VKORC1L1: variants seen among roughly 807,000 people sequenced by gnomAD.
VKORC1L1 encodes the protein vitamin K epoxide reductase complex subunit 1L1, also known as vitamin K epoxide reductase complex subunit 1-like protein 1.
Under a neutral mutation model 18.9 loss-of-function variants are expected in VKORC1L1, and 2 were observed. That is an observed-to-expected ratio of 0.11 (90% CI 0.04 to 0.33). VKORC1L1 has a LOEUF of 0.33. Ranked by LOEUF, VKORC1L1 falls within the 10% of genes least tolerant of loss-of-function variation. The pLI is 1.00. For synonymous variants in VKORC1L1, 96 were observed against 100.0 expected (o/e 0.96, Z 0.24); for missense variants, 123 against 224.1 (o/e 0.55, Z 2.88).
At chr7:65,895,360 A>G (rs1390513343) in intron 1 of VKORC1L1, among the ~76,000 whole-genome samples, 1 of 148,390 alleles carries the variant, frequency 6.7e-6, no homozygotes, top group Non-Finnish European at 1.5e-5. Flanking sequence ...ACAGTGGCTC[A>G]TGCCTATAAT....
intron 1 of VKORC1L1, among the ~76,000 whole-genome samples, chr7:65,925,876 C>T (rs1361543472): frequency 6.6e-6 from 1 of 151,920 alleles, no homozygotes. Flanking sequence ...AGGCAGAGTC[C>T]AAGAACACTG....
intron 1 of VKORC1L1, among the ~76,000 whole-genome samples, chr7:65,891,363 T>C (rs1789108751): frequency 6.6e-6 from 1 of 152,202 alleles, no homozygotes; most frequent in Non-Finnish European, 1.5e-5. Context: ...CAGAACAGTT[T>C]CCCAAAGTGG....
chr7:65,880,036 A>G (rs182305021), intron 1 of VKORC1L1, among the ~76,000 whole-genome samples: 153 of 151,946 alleles, frequency 1.0e-3, no homozygotes, highest in African/African-American at 3.5e-3. Flanking sequence ...TCTATTTTTC[A>G]TAGTGACGAG....
In VKORC1L1 at chr7:65,873,714, G is replaced by C. The variant is rs949260244; in HGVS notation, c.194+149G>C. 8 of 767,478 alleles carry C rather than the reference G, an allele frequency of 1.0e-5. No individual in the cohort carries two copies. The African/African-American group carries it at 1.3e-4, about 13-fold the overall frequency. 47.5% of individuals were successfully genotyped at this position (767,478 alleles called of 1,614,324 possible). On this transcript the variant is annotated intron_variant, in intron 1 of 2. Transcript: ENST00000360768. ...ACGGGGTCGGGTCGGGGCCAGGCGG[G>C]GGGCGGCGGCGGGGCGCTCCTGCCC...
At chr7:65,912,187 C>G (rs1440254726) in intron 1 of VKORC1L1, among the ~76,000 whole-genome samples, 1 of 152,174 alleles carries the variant, frequency 6.6e-6, no homozygotes, top group African/African-American at 2.4e-5. Flanking sequence ...TTTTCAAAAG[C>G]TTGACAATGC....
Position 65,957,649 on chromosome 7 carries a change from A to G in VKORC1L1, c.*3349A>G, listed in dbSNP as rs574304836. The G allele has an allele frequency of 6.6e-6, 1 of 152,172 alleles. No individual in the cohort carries two copies. The highest frequency in any genetic ancestry group is 1.5e-5 in the Non-Finnish European group (1 of 68,046). The allele number at this position is 152,172 out of a possible 1,614,324, so 9.4% of individuals were successfully genotyped here. A position where few individuals can be genotyped will look rare whatever the true frequency, so the allele number is the denominator to read the frequency against. ...GAAGTTCGAGATCAGCCTGACCGAC[A>G]TAGTGGAACCCTGTCTTTACTAAAA... On this transcript the variant is annotated 3_prime_UTR_variant, in exon 3 of 3. Coordinates refer to ENST00000360768, the MANE Select transcript of VKORC1L1 (RefSeq NM_173517.6).
rs183791900 is a variant in VKORC1L1 at position 65,908,738 on chromosome 7, G to A, written c.194+35173G>A. On this transcript the variant is annotated intron_variant, in intron 1 of 2. Transcript: ENST00000360768. ...TATCTTCCCAGCTACTCAGGAGGCT[G>A]AGGCAGGAGAATTGCTCGAACCTCA... Among the ~76,000 whole-genome samples the A allele has an allele frequency of 3.8e-3, 580 of 151,082 alleles. 6 individuals carry two copies. The highest frequency in any genetic ancestry group is 0.013 in the African/African-American group (553 of 41,146).
chr7:65,928,595 T>C (rs1011777081), intron 1 of VKORC1L1, among the ~76,000 whole-genome samples: 1 of 152,220 alleles, frequency 6.6e-6, no homozygotes, highest in African/African-American at 2.4e-5. Context: ...TTTTTATTGC[T>C]GAGTGATAGT....
chr7:65,904,121 A>T (rs1789365872), intron 1 of VKORC1L1, among the ~76,000 whole-genome samples: 6 of 152,226 alleles, frequency 3.9e-5, no homozygotes, highest in Admixed American at 3.9e-4. Flanking sequence ...ATAATAATGC[A>T]TTATAGGTTT....
chr7:65,903,143 G>C (rs1562989593), intron 1 of VKORC1L1, among the ~76,000 whole-genome samples: 1 of 151,524 alleles, frequency 6.6e-6, no homozygotes, highest in Non-Finnish European at 1.5e-5. Flanking sequence ...TGGGATTACA[G>C]GTGTAAGCCA....
At chr7:65,903,636 G>A (rs1202234255) in intron 1 of VKORC1L1, among the ~76,000 whole-genome samples, 1 of 152,156 alleles carries the variant, frequency 6.6e-6, no homozygotes, top group Non-Finnish European at 1.5e-5. Flanking sequence ...GCCAGGCATG[G>A]TGGCGCGCGC....
intron 1 of VKORC1L1, among the ~76,000 whole-genome samples, chr7:65,883,477 T>A (rs1788962133): frequency 6.7e-6 from 1 of 150,334 alleles, no homozygotes; most frequent in Admixed American, 6.6e-5. Context: ...AATACATTGA[T>A]AGAATAAAAT....
At chr7:65,912,711 A>G (rs950855582) in intron 1 of VKORC1L1, among the ~76,000 whole-genome samples, 12 of 152,188 alleles carry the variant, frequency 7.9e-5, no homozygotes, top group Non-Finnish European at 1.6e-4. Flanking sequence ...GTGATGAGGA[A>G]ATACTCCTCC....
chr7:65,935,963 A>C (rs1257334090), intron 1 of VKORC1L1, among the ~76,000 whole-genome samples: 1 of 151,720 alleles, frequency 6.6e-6, no homozygotes, highest in Non-Finnish European at 1.5e-5. Flanking sequence ...ATTGTTCTTT[A>C]AGTCTCTATT....
intron 1 of VKORC1L1, among the ~76,000 whole-genome samples, chr7:65,931,921 A>G (rs1044016168): frequency 6.6e-6 from 1 of 152,104 alleles, no homozygotes; most frequent in African/African-American, 2.4e-5. Context: ...AATTGCAGGC[A>G]TGAGCCACCA....
At chr7:65,914,812 C>T (rs950619579) in intron 1 of VKORC1L1, among the ~76,000 whole-genome samples, 7 of 152,038 alleles carry the variant, frequency 4.6e-5, no homozygotes, top group Admixed American at 1.3e-4. Context: ...GAGACCAGCC[C>T]GGGTAACATG....
At chr7:65,921,858 A>T (rs1274882906) in intron 1 of VKORC1L1, among the ~76,000 whole-genome samples, 1 of 151,996 alleles carries the variant, frequency 6.6e-6, no homozygotes, top group Non-Finnish European at 1.5e-5. Flanking sequence ...AAAAAAAAAA[A>T]AAAAATTTTT....
rs913233005 is a variant in VKORC1L1, at chr7:65,873,230, A to T, written c.-142A>T. Reference sequence around the variant, plus strand: ...GGGGCCCGGAGCAGGCCACCGAGCCAATGGGGCGCGGCGGCGGCGGCGGCG... The same window carrying T: ...GGGGCCCGGAGCAGGCCACCGAGCCTATGGGGCGCGGCGGCGGCGGCGGCG... On this transcript the variant is annotated 5_prime_UTR_variant, in exon 1 of 3. Transcript: ENST00000360768. 2.8e-5 allele frequency: 27 copies of T among 954,410 alleles called. No individual in the cohort carries two copies. The highest frequency in any genetic ancestry group is 5.2e-4 in the Middle Eastern group (1 of 1,918). 59.1% of individuals were successfully genotyped at this position (954,410 alleles called of 1,614,324 possible).
chr7:65,888,772 C>T (rs897553785), intron 1 of VKORC1L1, among the ~76,000 whole-genome samples: 4 of 152,210 alleles, frequency 2.6e-5, no homozygotes, highest in African/African-American at 9.6e-5. Flanking sequence ...TCAGTGTTCT[C>T]ACATCTGCCT....
Sources: allele counts gnomAD v4.1 joint callset (sites outside exome capture counted in the v4.1 genomes callset), GRCh38; gene constraint gnomAD v4.1.1; transcripts MANE v1.5; gene names NCBI Gene and HGNC (gene_info 2026-07-23, HGNC 2026-07-21).